Variants in OVCH1 observed in about 807,000 individuals in gnomAD.
The protein encoded by OVCH1 is ovochymase-1.
OVCH1 carries 139 observed loss-of-function variants against 138.4 expected under a neutral mutation model. The ratio of observed to expected loss-of-function variants is 1.00; its 90% CI spans 0.87 to 1.16. The LOEUF is 1.16. Ranked by LOEUF, OVCH1 falls within the 50% of genes most tolerant of loss-of-function variation. The pLI is 0.00. For synonymous variants in OVCH1, 453 were observed against 467.8 expected (o/e 0.97, Z 0.41); for missense variants, 1,367 against 1,357.9 (o/e 1.01, Z -0.11).
At chr12:29,441,426 G>C (rs1016690624) in intron 25 of OVCH1, among the ~76,000 whole-genome samples, 2 of 152,166 alleles carry the variant, frequency 1.3e-5, no homozygotes, top group African/African-American at 4.8e-5. Flanking sequence ...TATGGAGAAA[G>C]CTGAAACTGG....
exon 18 of OVCH1, chr12:29,464,549 A>G: frequency 6.2e-7 from 1 of 1,613,586 alleles, no homozygotes; most frequent in Non-Finnish European, 8.5e-7. Flanking sequence ...CAGATCTCCG[A>G]GGAAAATAGA....
rs749796524 is a variant in OVCH1, at chr12:29,486,234, T to C, written c.995+12A>G. 2.5e-5 allele frequency: 40 copies of C among 1,599,474 alleles called. No homozygotes were observed. The highest frequency in any genetic ancestry group is 3.0e-5 in the Non-Finnish European group (35 of 1,167,166). On this transcript the variant is annotated intron_variant, in intron 8 of 27. Transcript: ENST00000318184. ...TCTTCAAGTCAGCTTCCTTCTCTAATTAGAACCACACATACCCTTTCCTCT... is the reference window on the plus strand; with the variant it reads ...TCTTCAAGTCAGCTTCCTTCTCTAACTAGAACCACACATACCCTTTCCTCT...
At chr12:29,471,720 T>C (rs150040479) in intron 16 of OVCH1, 82 bp downstream of exon 16, 1 of 1,392,782 alleles carries the variant, frequency 7.2e-7, no homozygotes, top group Non-Finnish European at 9.6e-7. Context: ...GTCTGGATGA[T>C]CTTAGTAGTC....
At chr12:29,436,352 TCA>T (rs1462205623) in intron 26 of OVCH1, among the ~76,000 whole-genome samples, 10 of 148,846 alleles carry the variant, frequency 6.7e-5, no homozygotes, top group Admixed American at 4.6e-4. Flanking sequence ...AAGTTATACC[TCA>T]GTGAGATGAA....
the OVCH1 span, among the ~76,000 whole-genome samples, chr12:29,402,285 C>G: frequency 6.6e-6 from 1 of 152,036 alleles, no homozygotes; most frequent in African/African-American, 2.4e-5. Context: ...TTAGAGAATC[C>G]CTATTGCAAA....
intron 16 of OVCH1, among the ~76,000 whole-genome samples, chr12:29,471,520 T>TA (rs1942506633): frequency 6.6e-6 from 1 of 152,232 alleles, no homozygotes; most frequent in East Asian, 1.9e-4. Flanking sequence ...GAACCTGACT[T>TA]AGTTTTGGAA....
chr12:29,475,255 A>T, intron 13 of OVCH1, 66 bp from the exon 14 acceptor site: 6 of 1,251,764 alleles, frequency 4.8e-6, no homozygotes, highest in Non-Finnish European at 6.3e-6. Context: ...ACACAGTAAA[A>T]TAATCACCCA....
intron 16 of OVCH1, among the ~76,000 whole-genome samples, chr12:29,470,187 T>C (rs1298921904): frequency 2.0e-5 from 3 of 152,170 alleles, no homozygotes; most frequent in Non-Finnish European, 4.4e-5. Context: ...GAATATAGCA[T>C]TTAAGAAATT....
At chr12:29,497,502 C>T (rs1943451380) in intron 1 of OVCH1, 121 bp downstream of exon 1, 1 of 1,159,074 alleles carries the variant, frequency 8.6e-7, no homozygotes, top group Non-Finnish European at 1.2e-6. Context: ...ACCCTTTCTT[C>T]CCAAATGCCT....
chr12:29,442,703 T>A (rs1404679809), intron 25 of OVCH1, among the ~76,000 whole-genome samples: 1 of 151,958 alleles, frequency 6.6e-6, no homozygotes, highest in Non-Finnish European at 1.5e-5. Flanking sequence ...AATTTAATAA[T>A]CCTTTTCCTC....
chr12:29,465,460 A>T (rs1177026529), intron 16 of OVCH1, among the ~76,000 whole-genome samples: 5 of 152,258 alleles, frequency 3.3e-5, no homozygotes, highest in African/African-American at 1.2e-4. Flanking sequence ...AGCAAAGCAG[A>T]AGAGAGAGAG....
intron 3 of OVCH1, among the ~76,000 whole-genome samples, chr12:29,421,904 G>A (rs775532315): frequency 1.3e-5 from 2 of 151,960 alleles, no homozygotes; most frequent in Non-Finnish European, 2.9e-5. Context: ...CTAGCACAGT[G>A]GATTTGTGTT....
At chr12:29,465,767 G>A (rs917555378) in intron 16 of OVCH1, among the ~76,000 whole-genome samples, 5 of 151,936 alleles carry the variant, frequency 3.3e-5, no homozygotes, top group East Asian at 1.9e-4. Context: ...TTTTTAGGTC[G>A]AGGAGGAAAA....
the OVCH1 span, among the ~76,000 whole-genome samples, chr12:29,403,606 A>G: frequency 6.6e-6 from 1 of 152,150 alleles, no homozygotes; most frequent in East Asian, 1.9e-4. Flanking sequence ...TTAGAGGGGT[A>G]GGGGGATTGA....
chr12:29,433,628 A>G (rs1941307583), intron 27 of OVCH1: 1 of 1,067,866 alleles, frequency 9.4e-7, no homozygotes, highest in Admixed American at 3.7e-5. Flanking sequence ...TCATTGCTCA[A>G]TCTTCATTTC....
intron 27 of OVCH1, among the ~76,000 whole-genome samples, chr12:29,432,331 T>C (rs886293576): frequency 1.3e-5 from 2 of 152,218 alleles, no homozygotes; most frequent in African/African-American, 4.8e-5. Context: ...ATGGTGGAAT[T>C]GTTCAGAAGT....
chr12:29,460,035 GTTC>G (rs1942078501), intron 19 of OVCH1, among the ~76,000 whole-genome samples: 1 of 152,176 alleles, frequency 6.6e-6, no homozygotes, highest in African/African-American at 2.4e-5. Context: ...GTAACTCAGT[GTTC>G]TTTGTAATAG....
intron 27 of OVCH1, chr12:29,430,771 A>G (rs541508590): frequency 2.4e-4 from 80 of 335,000 alleles, no homozygotes; most frequent in African/African-American, 1.5e-3. Flanking sequence ...CTTTCCTTCT[A>G]TTCCTGCCTG....
At chr12:29,429,197 A>G (rs1941228305) in intron 27 of OVCH1, among the ~76,000 whole-genome samples, 1 of 152,222 alleles carries the variant, frequency 6.6e-6, no homozygotes. Context: ...CATTTTCAAA[A>G]AAGTTACCAT....
Sources: allele counts gnomAD v4.1 joint callset (sites outside exome capture counted in the v4.1 genomes callset), GRCh38; gene constraint gnomAD v4.1.1; transcripts MANE v1.5; gene names NCBI Gene and HGNC (gene_info 2026-07-23, HGNC 2026-07-21).